WDR70: variants seen among roughly 807,000 people sequenced by gnomAD.
WDR70 encodes the protein WD repeat-containing protein 70.
Under a neutral mutation model 88.6 loss-of-function variants are expected in WDR70, and 53 were observed. The ratio of observed to expected loss-of-function variants is 0.60; its 90% CI spans 0.48 to 0.75. The LOEUF (loss-of-function observed/expected upper bound fraction) is 0.75. Ranked by LOEUF, WDR70 falls within the 30% of genes least tolerant of loss-of-function variation. The pLI is 0.00. For missense variants in WDR70, 610 were observed against 823.2 expected (o/e 0.74, Z 3.17); for synonymous variants, 280 against 270.0 (o/e 1.04, Z -0.36).
intron 7 of WDR70, among the ~76,000 whole-genome samples, chr5:37,445,588 A>G (rs1738439681): frequency 6.6e-6 from 1 of 152,162 alleles, no homozygotes; most frequent in African/African-American, 2.4e-5. Context: ...AAGCTTATCC[A>G]CCATGATCAA....
At chr5:37,421,635 C>G (rs1265798352) in intron 5 of WDR70, among the ~76,000 whole-genome samples, 1 of 152,026 alleles carries the variant, frequency 6.6e-6, no homozygotes, top group African/African-American at 2.4e-5. Context: ...GTGGAGATAT[C>G]AGGGTGAAGT....
At chr5:37,566,077 C>T (rs747104341) in intron 9 of WDR70, among the ~76,000 whole-genome samples, 2 of 152,058 alleles carry the variant, frequency 1.3e-5, no homozygotes, top group Non-Finnish European at 2.9e-5. Context: ...AGTTTCATCT[C>T]TCCAAAATGA....
chr5:37,644,542 G>T (rs1745184379), intron 10 of WDR70, among the ~76,000 whole-genome samples: 1 of 152,010 alleles, frequency 6.6e-6, no homozygotes. Flanking sequence ...GGAATTGTTT[G>T]AGTAGGATTG....
intron 10 of WDR70, among the ~76,000 whole-genome samples, chr5:37,675,171 C>T (rs1276242273): frequency 1.3e-5 from 2 of 151,948 alleles, no homozygotes; most frequent in Non-Finnish European, 1.5e-5. Flanking sequence ...AATTTTCTCC[C>T]ATTTTGTAGG....
chr5:37,480,962 G>A (rs1200846303), intron 8 of WDR70, among the ~76,000 whole-genome samples: 1 of 152,182 alleles, frequency 6.6e-6, no homozygotes, highest in African/African-American at 2.4e-5. Context: ...AGAGAAATTG[G>A]CCAAAGCGAA....
Position 37,391,981 on chromosome 5 carries a change from C to T in WDR70, c.176-19C>T, listed in dbSNP as rs1287495984. On this transcript the variant is annotated intron_variant, in intron 3 of 17. Coordinates refer to ENST00000265107, the MANE Select transcript of WDR70 (RefSeq NM_018034.4). Reference sequence around the variant, plus strand: ...TAACCGTTGGGATTTTTTTGTTAATCTTTTTTTAATCTTTTCAGAAGCAAG... The same window carrying T: ...TAACCGTTGGGATTTTTTTGTTAATTTTTTTTTAATCTTTTCAGAAGCAAG... 1 of 1,578,578 alleles carries T rather than the reference C, an allele frequency of 6.3e-7. No individual in the cohort carries two copies. Among genetic ancestry groups the T allele is most frequent in the Non-Finnish European group, 8.6e-7 (1 of 1,168,718 alleles).
At chr5:37,613,690 A>T (rs1744250960) in intron 10 of WDR70, among the ~76,000 whole-genome samples, 1 of 152,078 alleles carries the variant, frequency 6.6e-6, no homozygotes, top group South Asian at 2.1e-4. Flanking sequence ...TTTTGTTATT[A>T]TTATTATTGC....
chr5:37,631,013 T>C (rs1027397352), intron 10 of WDR70, among the ~76,000 whole-genome samples: 1 of 152,154 alleles, frequency 6.6e-6, no homozygotes, highest in African/African-American at 2.4e-5. Flanking sequence ...GGTGGTGATA[T>C]TCTGCTTACC....
intron 13 of WDR70, among the ~76,000 whole-genome samples, chr5:37,705,727 G>T (rs1349467262): frequency 6.6e-6 from 1 of 152,022 alleles, no homozygotes; most frequent in African/African-American, 2.4e-5. Flanking sequence ...ATAATTTTGT[G>T]TTGGAAATAC....
intron 9 of WDR70, among the ~76,000 whole-genome samples, chr5:37,521,271 AG>A (rs1229624063): frequency 6.6e-6 from 1 of 151,758 alleles, no homozygotes; most frequent in Non-Finnish European, 1.5e-5. Flanking sequence ...AAATTTGAGA[AG>A]CTTTGAATGT....
At chr5:37,664,617 A>C (rs1745788167) in intron 10 of WDR70, among the ~76,000 whole-genome samples, 1 of 152,156 alleles carries the variant, frequency 6.6e-6, no homozygotes, top group African/African-American at 2.4e-5. Flanking sequence ...TGGTGTTTTT[A>C]CTATACAGTT....
In WDR70 at chr5:37,410,520, CTTG is replaced by C. The variant is rs374375267; in HGVS notation, c.492+13956_492+13958del. 1.5e-3 allele frequency among the ~76,000 whole-genome samples: 232 copies of C among 152,200 alleles called. 3 individuals carry two copies. Among genetic ancestry groups the C allele is most frequent in the African/African-American group, 5.3e-3 (221 of 41,540 alleles). ...ACTTCCCAGGCTTGGTTTCTGGCTT[CTTG>C]TTGTTAAATCATTATTTGTGTGCTT... On this transcript the variant is annotated intron_variant, in intron 5 of 17. Transcript: ENST00000265107.
At chr5:37,691,765 T>C (rs1350002022) in intron 10 of WDR70, among the ~76,000 whole-genome samples, 1 of 152,094 alleles carries the variant, frequency 6.6e-6, no homozygotes, top group Non-Finnish European at 1.5e-5. Context: ...GCAGGAAAGA[T>C]CTAAAATTGA....
chr5:37,415,436 C>A (rs1475488732), intron 5 of WDR70, among the ~76,000 whole-genome samples: 3 of 87,236 alleles, frequency 3.4e-5, no homozygotes, highest in African/African-American at 9.3e-5. Context: ...CCCTCCCGGA[C>A]GGGGCGGCTG....
At chr5:37,694,214 A>G (rs1304973256) in intron 10 of WDR70, among the ~76,000 whole-genome samples, 1 of 152,184 alleles carries the variant, frequency 6.6e-6, no homozygotes, top group East Asian at 1.9e-4. Context: ...GCTGGAGAGG[A>G]TGTGGAGAAA....
intron 3 of WDR70, among the ~76,000 whole-genome samples, chr5:37,389,853 C>T (rs758565844): frequency 4.9e-4 from 75 of 152,136 alleles, no homozygotes; most frequent in Non-Finnish European, 8.1e-4. Flanking sequence ...TAATATTTGC[C>T]TTACCTCTTC....
intron 9 of WDR70, among the ~76,000 whole-genome samples, chr5:37,546,141 T>C (rs953175972): frequency 3.3e-5 from 5 of 152,210 alleles, no homozygotes; most frequent in African/African-American, 1.2e-4. Flanking sequence ...GCTCCTGTTA[T>C]GTTTGGATGG....
At chr5:37,501,801 A>C (rs1740412697) in intron 8 of WDR70, among the ~76,000 whole-genome samples, 1 of 152,138 alleles carries the variant, frequency 6.6e-6, no homozygotes, top group African/African-American at 2.4e-5. Context: ...GTTGGTCTGC[A>C]TATCTACTTT....
intron 9 of WDR70, among the ~76,000 whole-genome samples, chr5:37,538,279 C>G (rs1741721784): frequency 6.6e-6 from 1 of 152,202 alleles, no homozygotes; most frequent in African/African-American, 2.4e-5. Context: ...ATTTTGAATA[C>G]TATGACCATG....
Sources: allele counts gnomAD v4.1 joint callset (sites outside exome capture counted in the v4.1 genomes callset), GRCh38; gene constraint gnomAD v4.1.1; transcripts MANE v1.5; gene names NCBI Gene and HGNC (gene_info 2026-07-23, HGNC 2026-07-21).